Variants in ITPRID2 observed in about 807,000 individuals in gnomAD.
The protein encoded by ITPRID2 is ITPR interacting domain containing 2, also known as protein ITPRID2.
ITPRID2 carries 60 observed loss-of-function variants against 124.3 expected under a neutral mutation model. The ratio of observed to expected loss-of-function variants is 0.48; its 90% confidence interval spans 0.39 to 0.60. The LOEUF (loss-of-function observed/expected upper bound fraction) is 0.60, where lower values mean the gene tolerates loss of function less well. Among genes scored for constraint, ITPRID2 ranks in the 20% least tolerant of loss-of-function variants. The pLI is 0.00. For synonymous variants in ITPRID2, 521 were observed against 542.9 expected, an observed-to-expected ratio of 0.96 and a Z score of 0.56; for missense variants, 1,553 against 1,512.2, an observed-to-expected ratio of 1.03 and a Z score of -0.45.
chr2:181,909,978 G>A lies in ITPRID2; in HGVS notation c.1486+7G>A. The A allele has an allele frequency of 6.2e-7, 1 of 1,608,120 alleles. No individual in the cohort carries two copies. Among genetic ancestry groups the A allele is most frequent in the South Asian group, 1.1e-5 (1 of 90,780 alleles). Reference sequence around the variant, plus strand: ...CTTACGAAGTCGAAAAGAGGTAAGTGGACCAGTATCCACTAGTTCTGAGCA... The same window carrying A: ...CTTACGAAGTCGAAAAGAGGTAAGTAGACCAGTATCCACTAGTTCTGAGCA... On this transcript the variant is annotated splice_region_variant and intron_variant, in intron 9 of 17. Coordinates refer to ENST00000431877, the MANE Select transcript of ITPRID2 (RefSeq NM_001130445.3).
At chr2:181,929,476 A>G in intron 17 of ITPRID2, 85 bp from the exon 18 acceptor site, 2 of 852,234 alleles carry the variant, frequency 2.3e-6, no homozygotes, top group South Asian at 1.7e-5. Flanking sequence ...ATATATTTGC[A>G]TAAAATTCTC....
At chr2:181,922,559 C>T (rs753022889) in intron 16 of ITPRID2, 147 bp downstream of exon 16, 6 of 808,722 alleles carry the variant, frequency 7.4e-6, no homozygotes, top group African/African-American at 1.7e-5. Flanking sequence ...TCCTGTTGAT[C>T]AAGTTTGTGT....
In ITPRID2 at chr2:181,898,873, C is replaced by T. The variant is rs1574209062; in HGVS notation, c.365-7C>T. On this transcript the variant is annotated splice_polypyrimidine_tract_variant and splice_region_variant and intron_variant, in intron 4 of 17. Transcript: ENST00000431877. ...TTGTGCTCTACGTTTATTGTTTTTA[C>T]CTGTAGCCAACCACCTCCATGAAAG... The T allele has an allele frequency of 6.2e-7, 1 of 1,605,282 alleles. No homozygotes were observed. The highest frequency in any genetic ancestry group is 1.3e-5 in the African/African-American group (1 of 74,646).
In ITPRID2 at chr2:181,918,833, A is replaced by G. The variant is rs542258563; in HGVS notation, c.2944A>G (p.Met982Val). The change falls in exon 13 of 18, where the codon ATG becomes GTG. Residue 982 changes from methionine (M) to valine (V), a missense_variant. Physicochemically the swap from Met to Val is conservative, Grantham distance 21. Coordinates refer to ENST00000431877, the MANE Select transcript of ITPRID2 (RefSeq NM_001130445.3). ...RTQMMDLELA[M>V]LRQQTMVYHH... ...ACAAATGATGGATTTAGAATTGGCA[A>G]TGCTGCGTCAGCAAACCATGGTTTA... 211 of 1,614,216 alleles carry G rather than the reference A, an allele frequency of 1.3e-4. 3 individuals are homozygous for G. In the South Asian group the frequency reaches 1.9e-3, roughly 15 times the overall value.
At position 181,915,835 on chromosome 2, in the gene ITPRID2, A is replaced by T; in HGVS notation, c.2195A>T (p.Tyr732Phe). The T allele has an allele frequency of 1.2e-6, 2 of 1,614,250 alleles. No individual in the cohort carries two copies. The highest frequency in any genetic ancestry group is 2.2e-5 in the South Asian group (2 of 91,078). ...AGGTACTTATTTGCAAAAGCTGGCT[A>T]TCCTCTAAGAAGGTCTCAGTCTTTA... ...KQRYLFAKAG[Y>F]PLRRSQSLPT... is the part of the protein sequence containing the mutation. Residue 732 changes from tyrosine (Y) to phenylalanine (F), a missense_variant, in exon 11 of 18, where the codon TAT (tyrosine) becomes TTT (phenylalanine). Coordinates refer to ENST00000431877, the MANE Select transcript of ITPRID2 (RefSeq NM_001130445.3).
intron 11 of ITPRID2, chr2:181,917,117 G>C: frequency 1.9e-6 from 1 of 536,646 alleles, no homozygotes. Context: ...TTGAAAATAA[G>C]TACGTTGTCT....
At chr2:181,899,595 G>A (rs936801143) in intron 6 of ITPRID2, among the ~76,000 whole-genome samples, 14 of 152,150 alleles carry the variant, frequency 9.2e-5, no homozygotes, top group African/African-American at 3.1e-4. Context: ...CAGTGCTTTG[G>A]AGTGTCAAAG....
In ITPRID2 at chr2:181,915,974, AGAG is replaced by A. The variant is rs1694004126; in HGVS notation, c.2338_2340del (p.Glu780del). Reference sequence around the variant, plus strand: ...CCTTCACCTATAAGTACACACCTGAAGAGGAGCAGGAATTGGAAAAGCGGGTGA... The same window carrying A: ...CCTTCACCTATAAGTACACACCTGAAGAGCAGGAATTGGAAAAGCGGGTGA... On this transcript the variant is annotated inframe_deletion, in exon 11 of 18. Transcript: ENST00000431877. 3 of 1,614,122 alleles carry A rather than the reference AGAG, an allele frequency of 1.9e-6. No homozygotes were observed. Among genetic ancestry groups the A allele is most frequent in the Non-Finnish European group, 2.5e-6 (3 of 1,180,052 alleles).
At position 181,915,711 on chromosome 2, in the gene ITPRID2, G is replaced by A. The variant is rs558480994; in HGVS notation, c.2071G>A (p.Val691Ile). Residue 691 changes from valine (V) to isoleucine (I), a missense_variant, in exon 11 of 18, where the codon GTT (valine) becomes ATT (isoleucine). Transcript: ENST00000431877. ...TTGPPSSMDR[V>I]NTALQRAQMK... is the part of the protein sequence containing the mutation. ...TGGGCCTCCCTCTTCCATGGACAGA[G>A]TTAATACAGCTTTGCAAAGAGCTCA... 82 of 1,614,000 alleles carry A rather than the reference G, an allele frequency of 5.1e-5. No homozygotes were observed. The highest frequency in any genetic ancestry group is 6.9e-5 in the Non-Finnish European group (81 of 1,180,042).
Position 181,929,724 on chromosome 2 carries a change from G to A in ITPRID2, c.*177G>A. 1 of 1,095,474 alleles carries A rather than the reference G, an allele frequency of 9.1e-7. No individual in the cohort carries two copies. 67.9% of individuals were successfully genotyped at this position (1,095,474 alleles called of 1,614,324 possible). On this transcript the variant is annotated 3_prime_UTR_variant, in exon 18 of 18. Transcript: ENST00000431877. ...CATATATTTTAAAAAGACGTACATA[G>A]AAACTTAGGCACTTTGCTATTTCTT...
Position 181,915,831 on chromosome 2 carries a change from G to A in ITPRID2, c.2191G>A (p.Gly731Ser), listed in dbSNP as rs766156553. 6.2e-6 allele frequency: 10 copies of A among 1,614,174 alleles called. No homozygotes were observed. The African/African-American group carries it at 1.1e-4, about 17-fold the overall frequency. The change falls in exon 11 of 18, where the codon GGC becomes AGC. Residue 731 changes from glycine to serine, a missense_variant. Transcript: ENST00000431877. Reference sequence around the variant, plus strand: ...ACAAAGGTACTTATTTGCAAAAGCTGGCTATCCTCTAAGAAGGTCTCAGTC... The same window carrying A: ...ACAAAGGTACTTATTTGCAAAAGCTAGCTATCCTCTAAGAAGGTCTCAGTC... ...LKQRYLFAKAGYPLRRSQSLP... is the reference protein window; with the variant it reads ...LKQRYLFAKASYPLRRSQSLP...
Position 181,905,914 on chromosome 2 carries a change from G to A in ITPRID2, c.1413+3448G>A, listed in dbSNP as rs141458740. On this transcript the variant is annotated intron_variant, in intron 8 of 17. Transcript: ENST00000431877. This position sits in a 1 kb window ranked among gnomAD's most constrained non-coding sequence, Gnocchi z 4.1. ...TATGTTTTGAAGATAAGCCTGCCCT[G>A]GAATATGAACTCTAACATATGACAT... Among the ~76,000 whole-genome samples the A allele has an allele frequency of 5.7e-4, 87 of 152,164 alleles. No homozygotes were observed. Among genetic ancestry groups the A allele is most frequent in the African/African-American group, 1.7e-3 (71 of 41,502 alleles).
intron 14 of ITPRID2, among the ~76,000 whole-genome samples, chr2:181,920,391 C>T (rs950599584): frequency 6.6e-6 from 1 of 152,086 alleles, no homozygotes; most frequent in Non-Finnish European, 1.5e-5. Context: ...TCAGTTTTAA[C>T]TCACAATAAT....
Position 181,902,041 on chromosome 2 carries a change from T to G in ITPRID2, c.988T>G (p.Ser330Ala). Residue 330 changes from serine to alanine, a missense_variant, in exon 8 of 18, where the codon TCA becomes GCA. By Grantham distance (99) the Ser-to-Ala change is moderately conservative. Coordinates refer to ENST00000431877, the MANE Select transcript of ITPRID2 (RefSeq NM_001130445.3). This position sits in a 1 kb window ranked among gnomAD's most constrained non-coding sequence, Gnocchi z 4.4. ...SAEKGKILNV[S>A]VIEESGNKND... The stretch of plus-strand genomic sequence containing the variant: ...TGAAAAAGGAAAGATTCTAAATGTT[T>G]CAGTGATTGAAGAAAGTGGCAATAA... The G allele has an allele frequency of 6.2e-7, 1 of 1,612,858 alleles. No homozygotes were observed. Among genetic ancestry groups the G allele is most frequent in the Non-Finnish European group, 8.5e-7 (1 of 1,179,670 alleles).
chr2:181,926,676 G>A (rs929421869), intron 16 of ITPRID2, among the ~76,000 whole-genome samples: 5 of 145,748 alleles, frequency 3.4e-5, no homozygotes, highest in Admixed American at 1.4e-4. Flanking sequence ...TTGTACCGCT[G>A]CACTCCAACC....
chr2:181,915,237 A>G lies in ITPRID2; in HGVS notation c.1597A>G (p.Met533Val), dbSNP rs762138047. ...ACAGGTTCAGGAGTCCTTGCAGGCTATGGGGAGTAGTGCTGATAGTTGTGA... is the reference window on the plus strand; with the variant it reads ...ACAGGTTCAGGAGTCCTTGCAGGCTGTGGGGAGTAGTGCTGATAGTTGTGA... The part of the protein sequence containing the change: ...HLQVQESLQA[M>V]GSSADSCDSE... The change falls in exon 11 of 18, where the codon ATG (methionine) becomes GTG (valine). Residue 533 changes from methionine to valine, a missense_variant. Coordinates refer to ENST00000431877, the MANE Select transcript of ITPRID2 (RefSeq NM_001130445.3). 1.5e-5 allele frequency: 25 copies of G among 1,614,046 alleles called. No individual in the cohort carries two copies. The highest frequency in any genetic ancestry group is 2.1e-5 in the Non-Finnish European group (25 of 1,179,968).
chr2:181,915,737 A>C lies in ITPRID2; in HGVS notation c.2097A>C (p.Gln699His), dbSNP rs1693983348. 1.9e-6 allele frequency: 3 copies of C among 1,614,126 alleles called. No homozygotes were observed. Among genetic ancestry groups the C allele is most frequent in the Non-Finnish European group, 2.5e-6 (3 of 1,180,040 alleles). Residue 699 changes from glutamine to histidine, a missense_variant, in exon 11 of 18, where the codon CAA becomes CAC. By Grantham distance (24) the Gln-to-His change is conservative. Transcript: ENST00000431877. ...DRVNTALQRA[Q>H]MKVCSLSNQR... Reference sequence around the variant, plus strand: ...TTAATACAGCTTTGCAAAGAGCTCAAATGAAGGTTTGCAGTCTGTCTAATC... The same window carrying C: ...TTAATACAGCTTTGCAAAGAGCTCACATGAAGGTTTGCAGTCTGTCTAATC...
At position 181,918,638 on chromosome 2, in the gene ITPRID2, A is replaced by G; in HGVS notation, c.2828A>G (p.Tyr943Cys). 1.2e-6 allele frequency: 2 copies of G among 1,614,116 alleles called. No homozygotes were observed. Among genetic ancestry groups the G allele is most frequent in the Non-Finnish European group, 8.5e-7 (1 of 1,179,976 alleles). The part of the protein sequence containing the change: ...MRGPDPAAAP[Y>C]STQKSSVLPL... ...GGACCTGATCCTGCTGCTGCTCCAT[A>G]TAGTACTCAGAAATCATCTGTTCTA... is the stretch of plus-strand genomic sequence containing the variant. The change falls in exon 12 of 18, where the codon TAT becomes TGT. Residue 943 changes from tyrosine (Y) to cysteine (C), a missense_variant. Physicochemically the swap from Tyr to Cys is radical, Grantham distance 194. Coordinates refer to ENST00000431877, the MANE Select transcript of ITPRID2 (RefSeq NM_001130445.3).
At chr2:181,904,945 T>C (rs1692978401) in intron 8 of ITPRID2, among the ~76,000 whole-genome samples, 1 of 152,194 alleles carries the variant, frequency 6.6e-6, no homozygotes, top group South Asian at 2.1e-4. Context: ...GTCTGTTTCT[T>C]ATGTTAGAAA....
Sources: gnomAD v4.1 joint callset for allele counts (sites outside exome capture counted in the v4.1 genomes callset) on GRCh38, gnomAD v4.1.1 for gene constraint, Gnocchi (gnomAD v3.1) non-coding constraint, MANE v1.5 for transcripts, NCBI Gene and HGNC (gene_info 2026-07-23, HGNC 2026-07-21) for gene names.